Variants in BTRC observed in about 807,000 individuals in gnomAD.
BTRC encodes beta-transducin repeat containing E3 ubiquitin protein ligase, also known as F-box/WD repeat-containing protein 1A.
A neutral mutation model predicts 85.5 loss-of-function variants in BTRC; 42 were observed. The observed-to-expected ratio is 0.49, with a 90% CI of 0.38 to 0.64. The LOEUF is 0.64. BTRC is among the 30% of genes least tolerant of loss of function. The pLI is 0.00. For synonymous variants in BTRC, 255 were observed against 263.3 expected, an observed-to-expected ratio of 0.97 and a Z score of 0.30; for missense variants, 594 against 743.5, an observed-to-expected ratio of 0.80 and a Z score of 2.34.
At chr10:101,512,953 G>T (rs563092901) in intron 4 of BTRC, among the ~76,000 whole-genome samples, 6 of 152,318 alleles carry the variant, frequency 3.9e-5, no homozygotes, top group African/African-American at 1.4e-4. Context: ...AACAGTAGTG[G>T]TTGAGTCATC....
chr10:101,467,791 T>C (rs2134188490), intron 3 of BTRC, among the ~76,000 whole-genome samples: 1 of 152,352 alleles, frequency 6.6e-6, no homozygotes, highest in South Asian at 2.1e-4. Context: ...GTCATCTGTT[T>C]TAATTACCTA....
At chr10:101,354,436 C>T in intron 1 of BTRC, 3 of 577,032 alleles carry the variant, frequency 5.2e-6, no homozygotes, top group Non-Finnish European at 8.9e-6. Flanking sequence ...GCTCCGCCAT[C>T]TTGTGGATGA....
chr10:101,367,442 T>C (rs1415471398), intron 1 of BTRC, among the ~76,000 whole-genome samples: 1 of 152,090 alleles, frequency 6.6e-6, no homozygotes, highest in Non-Finnish European at 1.5e-5. Context: ...TTTACTAAAG[T>C]AAAATATATA....
chr10:101,444,949 G>A (rs939402082), intron 2 of BTRC, among the ~76,000 whole-genome samples: 1 of 152,152 alleles, frequency 6.6e-6, no homozygotes, highest in African/African-American at 2.4e-5. Context: ...GTAGGGCATG[G>A]CCTTGAGGTT....
At chr10:101,491,496 A>C (rs1006005960) in intron 4 of BTRC, among the ~76,000 whole-genome samples, 14 of 152,074 alleles carry the variant, frequency 9.2e-5, no homozygotes, top group Admixed American at 8.5e-4. Flanking sequence ...GGAGTTCAAG[A>C]CCAGCCTGGC....
chr10:101,498,093 C>T (rs1421739115), intron 4 of BTRC, among the ~76,000 whole-genome samples: 1 of 152,074 alleles, frequency 6.6e-6, no homozygotes, highest in Non-Finnish European at 1.5e-5. Context: ...GACATATACA[C>T]ACAAAAATTC....
chr10:101,428,418 T>A lies in BTRC; in HGVS notation c.49-1927T>A, dbSNP rs114952530. ...ATTTAGCTGCTGTTTATAAAATGGA[T>A]CGTAGCTTGAGGTGAGGAAACGTTG... is the stretch of plus-strand genomic sequence containing the variant. On this transcript the variant is annotated intron_variant, in intron 1 of 14. Coordinates refer to ENST00000370187, the MANE Select transcript of BTRC (RefSeq NM_033637.4). Among the ~76,000 whole-genome samples, 625 of 152,318 alleles carry A rather than the reference T, an allele frequency of 4.1e-3. 6 individuals carry two copies. Among genetic ancestry groups the A allele is most frequent in the African/African-American group, 0.014 (588 of 41,562 alleles).
chr10:101,430,347 C>T lies in BTRC; in HGVS notation c.51C>T (p.Cys17=). 6.2e-7 allele frequency: 1 copy of T among 1,612,720 alleles called. No homozygotes were observed. The highest frequency in any genetic ancestry group is 8.5e-7 in the Non-Finnish European group (1 of 1,179,014). Residue 17 remains cysteine (C), a splice_region_variant and synonymous_variant, in exon 2 of 15, where the codon TGC becomes TGT. Coordinates refer to ENST00000370187, the MANE Select transcript of BTRC (RefSeq NM_033637.4). Reference sequence around the variant, plus strand: ...TCATAGTTGTCCTCTCTCTGCAGTGCTCTATGCCCAGGTCTCTGTGGCTGG... The same window carrying T: ...TCATAGTTGTCCTCTCTCTGCAGTGTTCTATGCCCAGGTCTCTGTGGCTGG... ...VLQEKALKFM[C]SMPRSLWLGC... is the part of the protein sequence containing the mutation.
intron 4 of BTRC, among the ~76,000 whole-genome samples, chr10:101,485,797 G>A: frequency 6.6e-6 from 1 of 152,140 alleles, no homozygotes. Context: ...ATCTAGATTA[G>A]CATGAAATGA....
In BTRC at chr10:101,365,896, A is replaced by G. The variant is rs1942359389; in HGVS notation, c.48+11668A>G. ...ATAAAACAAAATGATCATGGACTAC[A>G]TTGTAGCAAGTGTACTGGCCAGTGG... is the stretch of plus-strand genomic sequence containing the variant. On this transcript the variant is annotated intron_variant, in intron 1 of 14. Transcript: ENST00000370187. Among the ~76,000 whole-genome samples the G allele has an allele frequency of 2.0e-5, 3 of 152,240 alleles. No individual in the cohort carries two copies. The South Asian group carries it at 6.2e-4, about 32-fold the overall frequency.
In BTRC at chr10:101,447,567, T is replaced by G. The variant is rs371999396; in HGVS notation, c.157-14414T>G. Among the ~76,000 whole-genome samples, 7 of 152,350 alleles carry G rather than the reference T, an allele frequency of 4.6e-5. No individual in the cohort carries two copies. The East Asian group carries it at 1.3e-3, about 29-fold the overall frequency. ...CTACTATGATATTAAAATTAATGTT[T>G]GATATCTGTCAAACCAATTATCTAT... On this transcript the variant is annotated intron_variant, in intron 2 of 14. Transcript: ENST00000370187.
chr10:101,459,489 A>G (rs1037175585), intron 2 of BTRC, among the ~76,000 whole-genome samples: 1 of 152,162 alleles, frequency 6.6e-6, no homozygotes, highest in African/African-American at 2.4e-5. Flanking sequence ...ACAACATTAT[A>G]AGTTGGATTT....
chr10:101,367,455 C>G (rs1942501639), intron 1 of BTRC, among the ~76,000 whole-genome samples: 1 of 151,974 alleles, frequency 6.6e-6, no homozygotes, highest in Non-Finnish European at 1.5e-5. Flanking sequence ...AATATATATA[C>G]AAATAGTTAC....
chr10:101,407,988 C>T (rs1943674967), intron 1 of BTRC, among the ~76,000 whole-genome samples: 1 of 151,978 alleles, frequency 6.6e-6, no homozygotes, highest in South Asian at 2.1e-4. Context: ...TCCCAAAGTG[C>T]TGGGATTACA....
chr10:101,522,436 T>TTTC (rs2062130459), intron 5 of BTRC, among the ~76,000 whole-genome samples: 1 of 123,348 alleles, frequency 8.1e-6, no homozygotes, highest in African/African-American at 3.2e-5. Context: ...TTTTTTTTTT[T>TTTC]TGAGACAAAG....
At chr10:101,536,765 A>C in intron 12 of BTRC, 112 bp downstream of exon 12, 1 of 740,958 alleles carries the variant, frequency 1.3e-6, no homozygotes, top group Non-Finnish European at 2.2e-6. Context: ...TAGATTTTAC[A>C]CAAAATATCT....
At chr10:101,515,859 A>G (rs2062016475) in intron 4 of BTRC, among the ~76,000 whole-genome samples, 1 of 152,286 alleles carries the variant, frequency 6.6e-6, no homozygotes, top group African/African-American at 2.4e-5. Context: ...TTATGGTACT[A>G]CAAATTGTAT....
chr10:101,456,190 A>C (rs1038660264), intron 2 of BTRC, among the ~76,000 whole-genome samples: 1 of 151,602 alleles, frequency 6.6e-6, no homozygotes, highest in Non-Finnish European at 1.5e-5. Flanking sequence ...AAGAATGATG[A>C]TTGCCACTCT....
chr10:101,381,545 C>T lies in BTRC; in HGVS notation c.48+27317C>T, dbSNP rs367719594. ...AGTTATATGTGAACTGTAGAATTAG[C>T]ATGCACCTTAGAGTAGGTATTTTAT... On this transcript the variant is annotated intron_variant, in intron 1 of 14. Coordinates refer to ENST00000370187, the MANE Select transcript of BTRC (RefSeq NM_033637.4). Among the ~76,000 whole-genome samples, 5 of 152,254 alleles carry T rather than the reference C, an allele frequency of 3.3e-5. No homozygotes were observed. The East Asian group carries it at 9.6e-4, about 29-fold the overall frequency.
Sources: gnomAD v4.1 joint callset for allele counts (sites outside exome capture counted in the v4.1 genomes callset) on GRCh38, gnomAD v4.1.1 for gene constraint, MANE v1.5 for transcripts, NCBI Gene and HGNC (gene_info 2026-07-23, HGNC 2026-07-21) for gene names.